The following SGCD variants were observed in gnomAD, a reference collection of about 807,000 sequenced individuals.
SGCD encodes the protein sarcoglycan delta.
A neutral mutation model predicts 36.6 loss-of-function variants in SGCD; 18 were observed. The observed-to-expected ratio is 0.49, with a 90% CI of 0.34 to 0.73. The LOEUF (loss-of-function observed/expected upper bound fraction) is 0.73. Ranked by LOEUF, SGCD falls within the 30% of genes least tolerant of loss-of-function variation. The pLI is 0.01. For missense variants in SGCD, 387 were observed against 346.7 expected (o/e 1.12, Z -0.92); for synonymous variants, 133 against 130.6 (o/e 1.02, Z -0.12).
Position 156,760,316 on chromosome 5 carries a change from A to G in SGCD, c.*926A>G, listed in dbSNP as rs1757477474. ...CAACCCACAATGATCAGGTCAATCA[A>G]AATCCCTAAGAGCAGAACTCCTACC... On this transcript the variant is annotated 3_prime_UTR_variant, in exon 9 of 9. Transcript: ENST00000337851. The G allele has an allele frequency of 1.3e-5, 2 of 152,224 alleles. No homozygotes were observed. Among genetic ancestry groups the G allele is most frequent in the South Asian group, 2.1e-4 (1 of 4,830 alleles). The allele number at this position is 152,224 out of a possible 1,614,324, so 9.4% of individuals were successfully genotyped here.
intron 1 of SGCD, among the ~76,000 whole-genome samples, chr5:155,972,731 C>A (rs1249367733): frequency 6.6e-6 from 1 of 152,134 alleles, no homozygotes; most frequent in Non-Finnish European, 1.5e-5. Context: ...ACGCTAGCAC[C>A]AGGTATCAGG....
intron 1 of SGCD, among the ~76,000 whole-genome samples, chr5:155,916,867 T>C (rs1342578800): frequency 2.0e-5 from 3 of 152,210 alleles, no homozygotes; most frequent in Non-Finnish European, 4.4e-5. Flanking sequence ...AGGAGTGCTA[T>C]GTGCATTCCA....
intron 3 of SGCD, among the ~76,000 whole-genome samples, chr5:156,482,062 C>T (rs537899914): frequency 3.3e-5 from 5 of 152,114 alleles, no homozygotes; most frequent in African/African-American, 4.8e-5. Flanking sequence ...TGTCACAGTC[C>T]GAATGTCAGG....
chr5:156,114,163 G>T (rs1390189509), intron 1 of SGCD, among the ~76,000 whole-genome samples: 1 of 152,126 alleles, frequency 6.6e-6, no homozygotes. Flanking sequence ...AGGGATAATT[G>T]TGTGTCAGTG....
intron 3 of SGCD, among the ~76,000 whole-genome samples, chr5:156,466,587 G>A (rs1205200766): frequency 6.6e-6 from 1 of 152,130 alleles, no homozygotes; most frequent in Admixed American, 6.5e-5. Context: ...GGCAAGAGCT[G>A]GATTTGGGTT....
At chr5:155,940,170 A>C (rs1757293723) in intron 1 of SGCD, among the ~76,000 whole-genome samples, 1 of 152,124 alleles carries the variant, frequency 6.6e-6, no homozygotes, top group South Asian at 2.1e-4. Flanking sequence ...TAGATTCCCC[A>C]AAAATCTTTC....
At chr5:156,755,356 G>A (rs1757297125) in intron 7 of SGCD, among the ~76,000 whole-genome samples, 1 of 152,136 alleles carries the variant, frequency 6.6e-6, no homozygotes, top group Admixed American at 6.5e-5. Flanking sequence ...CAAGGAGAAA[G>A]GTATCGACAT....
At chr5:156,108,015 G>A (rs1164533815) in intron 1 of SGCD, among the ~76,000 whole-genome samples, 2 of 152,000 alleles carry the variant, frequency 1.3e-5, no homozygotes, top group African/African-American at 2.4e-5. Context: ...ATCATAATAT[G>A]GGCACCATTT....
At chr5:156,565,447 T>G (rs1028076497) in intron 4 of SGCD, among the ~76,000 whole-genome samples, 1 of 152,194 alleles carries the variant, frequency 6.6e-6, no homozygotes, top group Non-Finnish European at 1.5e-5. Context: ...GTCCTACACA[T>G]GCCTATTGAC....
chr5:156,701,937 C>T (rs1459692714), intron 7 of SGCD, among the ~76,000 whole-genome samples: 5 of 152,010 alleles, frequency 3.3e-5, no homozygotes, highest in Non-Finnish European at 7.4e-5. Flanking sequence ...AGATATAACA[C>T]ACAAAAAATC....
At chr5:156,148,654 A>G (rs903772249) in intron 3 of SGCD, among the ~76,000 whole-genome samples, 3 of 152,212 alleles carry the variant, frequency 2.0e-5, no homozygotes, top group Non-Finnish European at 2.9e-5. Flanking sequence ...AGACTGGGAA[A>G]GAAGGCAGTT....
intron 3 of SGCD, among the ~76,000 whole-genome samples, chr5:156,399,254 G>T (rs576729971): frequency 6.6e-6 from 1 of 152,154 alleles, no homozygotes; most frequent in South Asian, 2.1e-4. Context: ...CATACTCAAA[G>T]AGCTCATTGT....
At chr5:156,412,820 G>A (rs1238001285) in intron 3 of SGCD, among the ~76,000 whole-genome samples, 4 of 130,748 alleles carry the variant, frequency 3.1e-5, no homozygotes, top group Admixed American at 8.2e-5. Flanking sequence ...ACGGAGTCTC[G>A]CTCTGTCGCC....
chr5:156,215,817 A>T (rs1340185405), intron 3 of SGCD, among the ~76,000 whole-genome samples: 2 of 152,144 alleles, frequency 1.3e-5, no homozygotes, highest in East Asian at 3.8e-4. Context: ...CATGTGATCC[A>T]CCAGTCACAC....
chr5:156,496,125 A>T (rs1756176205), intron 3 of SGCD, among the ~76,000 whole-genome samples: 1 of 152,158 alleles, frequency 6.6e-6, no homozygotes, highest in South Asian at 2.1e-4. Flanking sequence ...GTAGCATCTC[A>T]TTCCTGTGCA....
At chr5:156,454,717 C>T (rs1480285955) in intron 3 of SGCD, among the ~76,000 whole-genome samples, 1 of 152,078 alleles carries the variant, frequency 6.6e-6, no homozygotes, top group East Asian at 1.9e-4. Flanking sequence ...TGGTGATGAT[C>T]CTGGCTGCAG....
At chr5:156,497,090 C>G (rs1756226963) in intron 3 of SGCD, among the ~76,000 whole-genome samples, 1 of 152,108 alleles carries the variant, frequency 6.6e-6, no homozygotes, top group Non-Finnish European at 1.5e-5. Context: ...CACTCTAACA[C>G]TTGCAGTCTG....
chr5:156,300,180 T>G (rs76947197), intron 3 of SGCD, among the ~76,000 whole-genome samples: 2,131 of 152,248 alleles, frequency 0.014, 23 homozygotes, highest in Non-Finnish European at 0.024. Flanking sequence ...CAGCATCAAC[T>G]AAAATGATTT....
At chr5:155,948,933 T>C (rs566269236) in intron 1 of SGCD, among the ~76,000 whole-genome samples, 1 of 152,164 alleles carries the variant, frequency 6.6e-6, no homozygotes, top group East Asian at 1.9e-4. Flanking sequence ...AACCGACAAA[T>C]GCAGTTCAAA....
Sources: allele counts gnomAD v4.1 joint callset (sites outside exome capture counted in the v4.1 genomes callset), GRCh38; gene constraint gnomAD v4.1.1; transcripts MANE v1.5; gene names NCBI Gene and HGNC (gene_info 2026-07-23, HGNC 2026-07-21).